The following WDFY1 variants were observed in gnomAD, a reference collection of about 807,000 sequenced individuals.
The protein encoded by WDFY1 is WD repeat and FYVE domain-containing protein 1.
In WDFY1, 32 loss-of-function variants were observed where a neutral mutation model predicts 56.4. The ratio of observed to expected loss-of-function variants is 0.57; its 90% confidence interval spans 0.43 to 0.76. The LOEUF (loss-of-function observed/expected upper bound fraction) is 0.76. WDFY1 is among the 30% of genes least tolerant of loss of function. The pLI, the probability that WDFY1 is intolerant of heterozygous loss-of-function variation, is 0.00. For missense variants in WDFY1, 480 were observed against 545.7 expected, an observed-to-expected ratio of 0.88 and a Z score of 1.20; for synonymous variants, 192 against 197.3, an observed-to-expected ratio of 0.97 and a Z score of 0.23.
rs773707663 is a variant in WDFY1, at chr2:223,918,055, T to G, written c.138-45A>C. ...AAAAATAGAGTAGGTTTTAGTAATT[T>G]TATCTTTTGTGTTCCATGAGAACTT... On this transcript the variant is annotated intron_variant, in intron 1 of 11. Coordinates refer to ENST00000233055, the MANE Select transcript of WDFY1 (RefSeq NM_020830.5). 14 of 1,594,698 alleles carry G rather than the reference T, an allele frequency of 8.8e-6. 1 individual carries two copies. The South Asian group carries it at 1.6e-4, about 18-fold the overall frequency.
intron 1 of WDFY1, 61 bp from the exon 2 acceptor site, chr2:223,918,071 A>G: frequency 6.4e-7 from 1 of 1,561,366 alleles, no homozygotes. Context: ...TTTGTGTTCC[A>G]TGAGAACTTA....
Position 223,878,481 on chromosome 2 carries a change from T to C in WDFY1, c.*190A>G, listed in dbSNP as rs727030. The C allele has an allele frequency of 2.1e-3, 1,146 of 555,330 alleles. 10 individuals are homozygous for C. Among genetic ancestry groups the C allele is most frequent in the African/African-American group, 0.02 (1,020 of 52,158 alleles). The allele number at this position is 555,330 out of a possible 1,614,324, so 34.4% of individuals were successfully genotyped here. ...AGGGAACCACTATGGACAGACCTTT[T>C]CCATATTAGTCCCCATGGGTAAGTT... On this transcript the variant is annotated 3_prime_UTR_variant, in exon 12 of 12. Coordinates refer to ENST00000233055, the MANE Select transcript of WDFY1 (RefSeq NM_020830.5).
At position 223,897,386 on chromosome 2, in the gene WDFY1, A is replaced by ATTTTT. The variant is rs1321548675; in HGVS notation, c.598+1571_598+1572insAAAAA. Among the ~76,000 whole-genome samples, 160 of 124,146 alleles carry ATTTTT rather than the reference A, an allele frequency of 1.3e-3. 6 individuals are homozygous for ATTTTT. The highest frequency in any genetic ancestry group is 3.3e-3 in the South Asian group (13 of 3,948). The allele number at this position is 124,146 out of a possible 152,430, so 81.4% of individuals were successfully genotyped here. A position where few individuals can be genotyped will look rare whatever the true frequency, so the allele number is the denominator to read the frequency against. On this transcript the variant is annotated intron_variant, in intron 6 of 11. Transcript: ENST00000233055. ...TATATATATATATATATATATATAT[A>ATTTTT]TATATTTTTTAAGACGGAGTCTCTC...
rs547699350 is a variant in WDFY1, at chr2:223,927,998, G to A, written c.138-9988C>T. 4.6e-5 allele frequency among the ~76,000 whole-genome samples: 7 copies of A among 152,204 alleles called. No individual in the cohort carries two copies. The East Asian group carries it at 5.8e-4, about 13-fold the overall frequency. ...ACAGACAGACATAGGGTAACAGCCC[G>A]TTGATGGAGTATTCAGATCACACAC... On this transcript the variant is annotated intron_variant, in intron 1 of 11. Coordinates refer to ENST00000233055, the MANE Select transcript of WDFY1 (RefSeq NM_020830.5).
intron 1 of WDFY1, among the ~76,000 whole-genome samples, chr2:223,924,806 A>G (rs545483992): frequency 3.5e-4 from 53 of 152,338 alleles, no homozygotes; most frequent in African/African-American, 1.2e-3. Flanking sequence ...GTGCAGGGAA[A>G]GCAAAGGAAC....
At chr2:223,910,094 T>C (rs886568772) in intron 3 of WDFY1, among the ~76,000 whole-genome samples, 7 of 152,124 alleles carry the variant, frequency 4.6e-5, no homozygotes, top group African/African-American at 1.7e-4. Flanking sequence ...CTGGAAACTC[T>C]TCCCTGGCTC....
intron 11 of WDFY1, 133 bp from the exon 12 acceptor site, chr2:223,878,863 T>C (rs1693016432): frequency 8.7e-7 from 1 of 1,153,216 alleles, no homozygotes; most frequent in Admixed American, 2.3e-5. Flanking sequence ...TTCTCCTCTT[T>C]CATAACACCT....
intron 5 of WDFY1, among the ~76,000 whole-genome samples, chr2:223,899,545 G>T (rs969742137): frequency 6.6e-6 from 1 of 152,192 alleles, no homozygotes; most frequent in Admixed American, 6.5e-5. Context: ...AGGAGTTCAA[G>T]ACCAACCTGG....
intron 4 of WDFY1, among the ~76,000 whole-genome samples, chr2:223,901,628 AT>A (rs149356094): frequency 0.19 from 27,424 of 144,054 alleles, 2,685 homozygotes; most frequent in Middle Eastern, 0.35. Flanking sequence ...TAGAGAACAG[AT>A]TTTTTTTTTT....
intron 1 of WDFY1, among the ~76,000 whole-genome samples, chr2:223,927,691 G>T (rs1418281085): frequency 6.6e-6 from 1 of 152,108 alleles, no homozygotes; most frequent in Non-Finnish European, 1.5e-5. Flanking sequence ...TTTCCTTCAA[G>T]AACTTTTCAT....
At chr2:223,939,328 G>C (rs1015937512) in intron 1 of WDFY1, among the ~76,000 whole-genome samples, 1 of 152,074 alleles carries the variant, frequency 6.6e-6, no homozygotes, top group Non-Finnish European at 1.5e-5. Flanking sequence ...GCCCGGACTG[G>C]GGTTTCTCAA....
chr2:223,922,258 G>C (rs1295762780), intron 1 of WDFY1, among the ~76,000 whole-genome samples: 2 of 152,182 alleles, frequency 1.3e-5, no homozygotes, highest in South Asian at 2.1e-4. Flanking sequence ...TCATCTAAAA[G>C]AATCAGTGGA....
chr2:223,929,381 T>C (rs6711864), intron 1 of WDFY1, among the ~76,000 whole-genome samples: 125,110 of 151,470 alleles, frequency 0.83, 52,675 homozygotes, highest in Non-Finnish European at 0.93. Context: ...AGAGATGGGG[T>C]TTCACCATGT....
chr2:223,940,983 C>CA (rs1559177940), intron 1 of WDFY1, among the ~76,000 whole-genome samples: 4 of 151,830 alleles, frequency 2.6e-5, no homozygotes, highest in African/African-American at 9.7e-5. Flanking sequence ...CCACCACGCC[C>CA]AGCTAATTTT....
chr2:223,943,250 T>C (rs572014007), intron 1 of WDFY1, among the ~76,000 whole-genome samples: 1 of 150,970 alleles, frequency 6.6e-6, no homozygotes, highest in East Asian at 2.0e-4. Context: ...TCTCCCCAGG[T>C]CTCATGCACT....
At chr2:223,920,118 C>T (rs1278599433) in intron 1 of WDFY1, among the ~76,000 whole-genome samples, 1 of 152,356 alleles carries the variant, frequency 6.6e-6, no homozygotes, top group African/African-American at 2.4e-5. Flanking sequence ...ACAAATTCAA[C>T]ACAAAATCAA....
intron 10 of WDFY1, 95 bp downstream of exon 10, chr2:223,881,847 A>C (rs1212665453): frequency 1.1e-5 from 16 of 1,497,438 alleles, no homozygotes; most frequent in Middle Eastern, 3.6e-4. Flanking sequence ...CACATGGCTA[A>C]ACATATCCTA....
At chr2:223,929,747 T>G (rs1243760294) in intron 1 of WDFY1, among the ~76,000 whole-genome samples, 2 of 152,200 alleles carry the variant, frequency 1.3e-5, no homozygotes, top group Non-Finnish European at 2.9e-5. Context: ...GCCTTCATTT[T>G]ACACTTAAGG....
intron 1 of WDFY1, among the ~76,000 whole-genome samples, chr2:223,942,527 C>CTTCTTTTTTTTT (rs1689325628): frequency 2.7e-5 from 2 of 74,220 alleles, no homozygotes; most frequent in Admixed American, 1.5e-4. Flanking sequence ...CAAAGGCTAA[C>CTTCTTTTTTTTT]TTTTTTTTTT....
Sources: allele counts gnomAD v4.1 joint callset (sites outside exome capture counted in the v4.1 genomes callset), GRCh38; gene constraint gnomAD v4.1.1; transcripts MANE v1.5; gene names NCBI Gene and HGNC (gene_info 2026-07-23, HGNC 2026-07-21).